The following PDS5A variants were observed in gnomAD, a reference collection of about 807,000 sequenced individuals.
PDS5A encodes PDS5 cohesin associated factor A.
A neutral mutation model predicts 167.1 loss-of-function variants in PDS5A; 42 were observed. That is an observed-to-expected ratio of 0.25 (90% CI 0.20 to 0.33). The LOEUF (loss-of-function observed/expected upper bound fraction) is 0.33. Ranked by LOEUF, PDS5A falls within the 10% of genes least tolerant of loss-of-function variation. PDS5A has a pLI of 1.00. For missense variants in PDS5A, 1,033 were observed against 1,605.9 expected, an observed-to-expected ratio of 0.64 and a Z score of 6.10; for synonymous variants, 553 against 554.6, an observed-to-expected ratio of 1.00 and a Z score of 0.04.
At chr4:39,918,765 A>G (rs572625070) in intron 7 of PDS5A, among the ~76,000 whole-genome samples, 1 of 152,272 alleles carries the variant, frequency 6.6e-6, no homozygotes, top group African/African-American at 2.4e-5. Context: ...GAGCAGGAGA[A>G]TCGCTTGAGC....
chr4:39,958,998 C>T (rs951526892), intron 2 of PDS5A, among the ~76,000 whole-genome samples: 1 of 152,180 alleles, frequency 6.6e-6, no homozygotes, highest in South Asian at 2.1e-4. Context: ...CATTTGCCTA[C>T]CCAAGTCTGA....
chr4:39,860,152 T>A (rs1214434897), intron 26 of PDS5A, among the ~76,000 whole-genome samples: 2 of 152,134 alleles, frequency 1.3e-5, no homozygotes, highest in Non-Finnish European at 2.9e-5. Flanking sequence ...GCTGGATATA[T>A]ATCCAAAATA....
At chr4:39,898,050 T>C (rs1248440736) in intron 16 of PDS5A, 5 of 1,006,544 alleles carry the variant, frequency 5.0e-6, no homozygotes, top group Middle Eastern at 4.6e-4. Flanking sequence ...TGACGATTAT[T>C]TCCATTCTAA....
intron 2 of PDS5A, among the ~76,000 whole-genome samples, chr4:39,948,520 TTACCATCTTGGCCAGGCTGGTCTTGAA>T (rs1728012741): frequency 6.6e-6 from 1 of 151,822 alleles, no homozygotes; most frequent in African/African-American, 2.4e-5. Flanking sequence ...AGATGGGGTT[TTACCATCTTGGCCAGGCTGGTCTTGAA>T]CTGCTGACCT....
At chr4:39,846,035 A>G (rs1027023566) in intron 28 of PDS5A, 155 bp from the exon 29 acceptor site, 1 of 612,560 alleles carries the variant, frequency 1.6e-6, no homozygotes, top group Non-Finnish European at 2.3e-6. Flanking sequence ...AATCAAAACA[A>G]TCAAAGCCAT....
chr4:39,867,305 TAA>T (rs1294728871), intron 22 of PDS5A, among the ~76,000 whole-genome samples: 1 of 152,150 alleles, frequency 6.6e-6, no homozygotes, highest in Admixed American at 6.5e-5. Context: ...ATAACTTGCT[TAA>T]AAGTCTGGTT....
At chr4:39,868,589 A>C in intron 22 of PDS5A, 1 of 447,616 alleles carries the variant, frequency 2.2e-6, no homozygotes, top group South Asian at 1.6e-5. Context: ...TCAGCCTCCC[A>C]AAGTGCTGGG....
rs1372318586 is a variant in PDS5A at position 39,977,788 on chromosome 4, C to CGGCCCGGACCGCCGACTCG, written c.-391_-373dup. 6.7e-6 allele frequency: 1 copy of CGGCCCGGACCGCCGACTCG among 149,400 alleles called. No individual in the cohort carries two copies. Among genetic ancestry groups the CGGCCCGGACCGCCGACTCG allele is most frequent in the East Asian group, 1.9e-4 (1 of 5,156 alleles). The allele number at this position is 149,400 out of a possible 1,614,324, so 9.3% of individuals were successfully genotyped here. A position where few individuals can be genotyped will look rare whatever the true frequency, so the allele number is the denominator to read the frequency against. ...CGGCCCGCCCGCACGCACCTCGCGCCGGCCCGGACCGCCGACTCGGACCCG... is the reference window on the plus strand; with the variant it reads ...CGGCCCGCCCGCACGCACCTCGCGCCGGCCCGGACCGCCGACTCGGGCCCGGACCGCCGACTCGGACCCG... On this transcript the variant is annotated 5_prime_UTR_variant, in exon 1 of 33. Transcript: ENST00000303538. This position sits in a 1 kb window ranked among gnomAD's most constrained non-coding sequence, Gnocchi z 4.2.
intron 23 of PDS5A, among the ~76,000 whole-genome samples, chr4:39,865,367 C>T (rs1293186251): frequency 6.6e-6 from 1 of 152,112 alleles, no homozygotes; most frequent in Non-Finnish European, 1.5e-5. Context: ...CAGCTCTAAA[C>T]AGTGTTATAA....
In PDS5A at chr4:39,873,111, C is replaced by G. The variant is rs1243433421; in HGVS notation, c.2311G>C (p.Glu771Gln). The G allele has an allele frequency of 2.0e-6, 3 of 1,521,826 alleles. No individual in the cohort carries two copies. Among genetic ancestry groups the G allele is most frequent in the Non-Finnish European group, 2.7e-6 (3 of 1,118,588 alleles). 94.3% of individuals were successfully genotyped at this position (1,521,826 alleles called of 1,614,324 possible). ...LSRSLNADVP[E>Q]QLITPLVSLG... ...GAAACTAATGGAGTTATAAGTTGTT[C>G]TGGCACATCAGCATTCAGACTCCTA... The change falls in exon 21 of 33, where the codon GAA becomes CAA. Residue 771 changes from glutamate (E) to glutamine (Q), a missense_variant. Coordinates refer to ENST00000303538, the MANE Select transcript of PDS5A (RefSeq NM_001100399.2).
intron 2 of PDS5A, among the ~76,000 whole-genome samples, chr4:39,966,579 TTAGCAACAAAACAGTAGG>T (rs1729983680): frequency 1.3e-5 from 2 of 152,230 alleles, no homozygotes; most frequent in African/African-American, 4.8e-5. Context: ...TTTCGAATTC[TTAGCAACAAAACAGTAGG>T]TATTTTTATT....
intron 23 of PDS5A, among the ~76,000 whole-genome samples, 168 bp from the exon 24 acceptor site, chr4:39,863,627 T>A (rs1719181163): frequency 6.6e-6 from 1 of 152,086 alleles, no homozygotes; most frequent in Non-Finnish European, 1.5e-5. Context: ...CAGGGGATTG[T>A]GACTTTCACA....
intron 2 of PDS5A, chr4:39,974,117 G>C: frequency 3.5e-6 from 2 of 563,960 alleles, no homozygotes; most frequent in East Asian, 4.6e-5. Context: ...GCGAGACTCT[G>C]TCTCAAAAAT....
chr4:39,887,409 A>G (rs1411315849), intron 17 of PDS5A, among the ~76,000 whole-genome samples: 8 of 152,232 alleles, frequency 5.3e-5, no homozygotes, highest in Non-Finnish European at 1.0e-4. Context: ...ATGATGAATC[A>G]TGTTTATCGA....
Position 39,863,451 on chromosome 4 carries a change from T to C in PDS5A, c.2651A>G (p.Asp884Gly). The stretch of plus-strand genomic sequence containing the variant: ...AGCAGCTAATCGCAAGCGAGACATA[T>C]CAGATTTACTATAAACAAACAAAAA... ...LTEQKRISKSDMSRLRLAAGS... is the reference protein window; with the variant it reads ...LTEQKRISKSGMSRLRLAAGS... The change falls in exon 24 of 33, where the codon GAT (aspartate) becomes GGT (glycine). Residue 884 changes from aspartate (D) to glycine (G), a missense_variant. Asp to Gly is a moderately conservative substitution (Grantham distance 94). Around this residue, in one of 4 missense-constraint regions of PDS5A, gnomAD observed 367 missense variants for 686.7 expected, o/e 0.53. Transcript: ENST00000303538. 6.3e-7 allele frequency: 1 copy of C among 1,598,522 alleles called. No homozygotes were observed. Among genetic ancestry groups the C allele is most frequent in the Non-Finnish European group, 8.5e-7 (1 of 1,173,110 alleles).
rs80238392 is a variant in PDS5A at position 39,916,261 on chromosome 4, T to G, written c.876+787A>C. Among the ~76,000 whole-genome samples, 705 of 151,798 alleles carry G rather than the reference T, an allele frequency of 4.6e-3. 8 individuals carry two copies. Among genetic ancestry groups the G allele is most frequent in the African/African-American group, 0.016 (665 of 41,430 alleles). On this transcript the variant is annotated intron_variant, in intron 8 of 32. Transcript: ENST00000303538. ...ACTTGAGCCCAAGAGTTCAAGGCAG[T>G]ATTAAACTTTTACAAATAGCAGAGG... is the stretch of plus-strand genomic sequence containing the variant.
At chr4:39,849,876 G>A (rs2109516524) in intron 26 of PDS5A, among the ~76,000 whole-genome samples, 1 of 152,268 alleles carries the variant, frequency 6.6e-6, no homozygotes, top group South Asian at 2.1e-4. Flanking sequence ...GAGAAAGTCT[G>A]ACAGTTTCAT....
chr4:39,953,844 AT>A (rs1393208599), intron 2 of PDS5A, among the ~76,000 whole-genome samples: 2 of 152,186 alleles, frequency 1.3e-5, no homozygotes, highest in Non-Finnish European at 2.9e-5. Flanking sequence ...TTTACTCTCA[AT>A]TTCTGCATTT....
intron 8 of PDS5A, among the ~76,000 whole-genome samples, chr4:39,914,307 GC>G (rs1380670489): frequency 1.3e-5 from 2 of 151,598 alleles, no homozygotes. Context: ...GATTACAGGC[GC>G]CCACCACCGC....
Sources: gnomAD v4.1 joint callset for allele counts (sites outside exome capture counted in the v4.1 genomes callset) on GRCh38, gnomAD v4.1.1 for gene constraint, gnomAD v4.1.1 regional missense constraint, Gnocchi (gnomAD v3.1) non-coding constraint, MANE v1.5 for transcripts, NCBI Gene and HGNC (gene_info 2026-07-23, HGNC 2026-07-21) for gene names.